The following CNTNAP3B variants were observed in gnomAD, a reference collection of about 807,000 sequenced individuals.
CNTNAP3B encodes contactin-associated protein-like 3B.
CNTNAP3B carries 25 observed loss-of-function variants against 108.9 expected under a neutral mutation model. That is an observed-to-expected ratio of 0.23 (90% CI 0.17 to 0.32). The LOEUF is 0.32. Among genes scored for constraint, CNTNAP3B ranks in the 10% least tolerant of loss-of-function variants. The pLI is 1.00. For synonymous variants in CNTNAP3B, 103 were observed against 473.4 expected (o/e 0.22, Z 10.16); for missense variants, 252 against 1,210.4 (o/e 0.21, Z 11.75).
rs1353757990 is a variant in CNTNAP3B, at chr9:42,121,451, T to C, written c.85+7559A>G. ...TTCTAAAATACTAAATAAAATGCAA[T>C]AGGAAAATCAAAGGGATGAATGTCA... On this transcript the variant is annotated intron_variant, in intron 1 of 23. Transcript: ENST00000377561. Among the ~76,000 whole-genome samples, 6 of 137,388 alleles carry C rather than the reference T, an allele frequency of 4.4e-5. 2 individuals are homozygous for C. The highest frequency in any genetic ancestry group is 1.7e-4 in the African/African-American group (6 of 34,374). 90.1% of individuals were successfully genotyped at this position (137,388 alleles called of 152,430 possible).
Position 42,056,647 on chromosome 9 carries a change from G to A in CNTNAP3B, c.390+20222C>T, listed in dbSNP as rs1343748869. On this transcript the variant is annotated intron_variant, in intron 3 of 23. Transcript: ENST00000377561. The stretch of plus-strand genomic sequence containing the variant: ...TTACGGGTGTGAGCCACCGCGCCAA[G>A]CATTATCTCATAAATTTATATACTA... Among the ~76,000 whole-genome samples the A allele has an allele frequency of 1.2e-4, 16 of 138,332 alleles. 1 individual carries two copies. 90.8% of individuals were successfully genotyped at this position (138,332 alleles called of 152,430 possible). A position where few individuals can be genotyped will look rare whatever the true frequency, so the allele number is the denominator to read the frequency against.
intron 3 of CNTNAP3B, among the ~76,000 whole-genome samples, chr9:42,063,825 G>T (rs1484076117): frequency 1.3e-5 from 2 of 149,130 alleles, no homozygotes; most frequent in Non-Finnish European, 3.0e-5. Context: ...GGGCTCAAGC[G>T]ACTCTCCCAC....
At position 42,056,326 on chromosome 9, in the gene CNTNAP3B, T is replaced by TTTTTTTATTA. The variant is rs1554753495; in HGVS notation, c.390+20542_390+20543insTAATAAAAAA. Reference sequence around the variant, plus strand: ...CAAGGTTGAATATTATCTCATGAATTTTATTATTATTATTATTATTATTAT... The same window carrying TTTTTTTATTA: ...CAAGGTTGAATATTATCTCATGAATTTTTTTTATTATTATTATTATTATTATTATTATTAT... On this transcript the variant is annotated intron_variant, in intron 3 of 23. Transcript: ENST00000377561. Among the ~76,000 whole-genome samples the TTTTTTTATTA allele has an allele frequency of 1.9e-4, 25 of 129,124 alleles. 1 individual carries two copies. Among genetic ancestry groups the TTTTTTTATTA allele is most frequent in the African/African-American group, 7.6e-4 (25 of 33,086 alleles). The allele number at this position is 129,124 out of a possible 152,430, so 84.7% of individuals were successfully genotyped here. A position where few individuals can be genotyped will look rare whatever the true frequency, so the allele number is the denominator to read the frequency against.
chr9:41,934,122 T>TATAC (rs1214326050), intron 14 of CNTNAP3B, among the ~76,000 whole-genome samples: 8 of 73,460 alleles, frequency 1.1e-4, no homozygotes, highest in African/African-American at 4.7e-4. Flanking sequence ...TATATATATA[T>TATAC]ACACACACAT....
chr9:41,954,826 G>A (rs1281826492), intron 12 of CNTNAP3B, among the ~76,000 whole-genome samples: 1 of 152,264 alleles, frequency 6.6e-6, no homozygotes, highest in Non-Finnish European at 1.5e-5. Context: ...TGGGACTACA[G>A]GCACACACCA....
chr9:41,945,540 C>T (rs1444322560), intron 13 of CNTNAP3B, among the ~76,000 whole-genome samples: 18 of 151,716 alleles, frequency 1.2e-4, no homozygotes, highest in African/African-American at 2.7e-4. Context: ...ACTGCATGTT[C>T]TCACTCATAG....
intron 18 of CNTNAP3B, among the ~76,000 whole-genome samples, chr9:41,918,078 G>A (rs79986184): frequency 0.02 from 2,791 of 143,004 alleles, no homozygotes; most frequent in African/African-American, 0.03. Flanking sequence ...TGCCTGTTTC[G>A]TATGAGAGAG....
At chr9:41,990,399 T>C (rs1439864033) in intron 8 of CNTNAP3B, among the ~76,000 whole-genome samples, 1 of 130,390 alleles carries the variant, frequency 7.7e-6, no homozygotes, top group African/African-American at 3.1e-5. Context: ...ATATCTGTTT[T>C]ATCTCCCCTG....
At chr9:41,989,892 G>C (rs1825774127) in intron 8 of CNTNAP3B, among the ~76,000 whole-genome samples, 1 of 146,702 alleles carries the variant, frequency 6.8e-6, no homozygotes, top group African/African-American at 2.6e-5. Flanking sequence ...TTGTCAAAGA[G>C]ACATGGAGTT....
At chr9:41,928,648 A>T (rs1823887943) in intron 15 of CNTNAP3B, among the ~76,000 whole-genome samples, 3 of 152,284 alleles carry the variant, frequency 2.0e-5, no homozygotes, top group African/African-American at 7.2e-5. Context: ...GTAGAACAGG[A>T]AATAAAAATA....
At chr9:41,947,865 C>T (rs1375714098) in intron 13 of CNTNAP3B, among the ~76,000 whole-genome samples, 15 of 152,150 alleles carry the variant, frequency 9.9e-5, no homozygotes, top group African/African-American at 2.2e-4. Context: ...AGACATCAAA[C>T]GAATAATAAG....
intron 2 of CNTNAP3B, among the ~76,000 whole-genome samples, chr9:42,087,162 C>T (rs1253414222): frequency 2.1e-5 from 3 of 141,076 alleles, no homozygotes; most frequent in Non-Finnish European, 3.1e-5. Flanking sequence ...AACCTTGTAT[C>T]CTGTTAACTT....
At chr9:42,090,201 AAAG>A (rs1827791583) in intron 2 of CNTNAP3B, among the ~76,000 whole-genome samples, 1 of 107,916 alleles carries the variant, frequency 9.3e-6, no homozygotes, top group Admixed American at 9.7e-5. Context: ...ATAATCATAA[AAAG>A]AAGAAAACTT....
chr9:41,923,663 G>A (rs1823728618), intron 16 of CNTNAP3B, among the ~76,000 whole-genome samples: 1 of 152,298 alleles, frequency 6.6e-6, no homozygotes. Context: ...TCAGGAGACT[G>A]AGGCAGGAGA....
chr9:42,127,736 T>C (rs1438370230), intron 1 of CNTNAP3B, among the ~76,000 whole-genome samples: 4 of 139,506 alleles, frequency 2.9e-5, no homozygotes, highest in Non-Finnish European at 6.1e-5. Flanking sequence ...GCTTGTTTTT[T>C]CGAAGGGCAC....
intron 9 of CNTNAP3B, among the ~76,000 whole-genome samples, chr9:41,973,131 T>C (rs1188039330): frequency 2.8e-5 from 4 of 142,214 alleles, no homozygotes; most frequent in Non-Finnish European, 4.6e-5. Flanking sequence ...TTTTTTTCAG[T>C]AGAGACGGGG....
chr9:42,097,571 T>TA lies in CNTNAP3B; in HGVS notation c.196+7057dup, dbSNP rs1395856104. On this transcript the variant is annotated intron_variant, in intron 2 of 23. Coordinates refer to ENST00000377561, the MANE Select transcript of CNTNAP3B (RefSeq NM_001201380.3). Reference sequence around the variant, plus strand: ...TAGTAAGAATAGCTAAGTACAAATCTAAAAAAATAATTACGTACTTCAAAA... The same window carrying TA: ...TAGTAAGAATAGCTAAGTACAAATCTAAAAAAAATAATTACGTACTTCAAAA... Among the ~76,000 whole-genome samples the TA allele has an allele frequency of 5.7e-5, 8 of 140,188 alleles. No homozygotes were observed. The South Asian group carries it at 1.6e-3, about 28-fold the overall frequency. 92.0% of individuals were successfully genotyped at this position (140,188 alleles called of 152,430 possible).
chr9:41,928,565 C>T (rs926656673), intron 15 of CNTNAP3B, among the ~76,000 whole-genome samples: 5 of 152,256 alleles, frequency 3.3e-5, no homozygotes, highest in East Asian at 1.9e-4. Flanking sequence ...CTGGCACACT[C>T]GGCAAGAATG....
rs1201903192 is a variant in CNTNAP3B, at chr9:41,947,894, C to A, written c.2080+5289G>T. Among the ~76,000 whole-genome samples, 79 of 152,120 alleles carry A rather than the reference C, an allele frequency of 5.2e-4. 1 individual carries two copies. The highest frequency in any genetic ancestry group is 1.9e-3 in the African/African-American group (78 of 41,392). On this transcript the variant is annotated intron_variant, in intron 13 of 23. Transcript: ENST00000377561. ...TAATAAGAAAATACTACAAATAATT[C>A]TACACAAATCAACTTGACAATTCAG... is the stretch of plus-strand genomic sequence containing the variant.
Sources: gnomAD v4.1 joint callset for allele counts (sites outside exome capture counted in the v4.1 genomes callset) on GRCh38, gnomAD v4.1.1 for gene constraint, MANE v1.5 for transcripts, NCBI Gene and HGNC (gene_info 2026-07-23, HGNC 2026-07-21) for gene names.